CHD1L: variants seen among roughly 807,000 people sequenced by gnomAD.
CHD1L encodes ATP-dependent chromatin remodeler CHD1L.
CHD1L carries 118 observed loss-of-function variants against 115.9 expected under a neutral mutation model. The ratio of observed to expected loss-of-function variants is 1.02; its 90% CI spans 0.88 to 1.19. The LOEUF is 1.19. Among genes scored for constraint, CHD1L ranks in the 50% most tolerant of loss-of-function variants. CHD1L has a pLI of 0.00. For synonymous variants in CHD1L, 411 were observed against 387.1 expected (o/e 1.06, Z -0.72); for missense variants, 1,179 against 1,065.3 (o/e 1.11, Z -1.49).
the CHD1L span, among the ~76,000 whole-genome samples, chr1:147,199,804 T>C: frequency 1.3e-5 from 2 of 152,188 alleles, no homozygotes; most frequent in African/African-American, 4.8e-5. Context: ...TTTAGAAAGG[T>C]TGTTGAACTA....
intron 3 of CHD1L, among the ~76,000 whole-genome samples, chr1:147,255,445 T>A (rs1269411314): frequency 4.6e-5 from 7 of 152,170 alleles, no homozygotes; most frequent in Admixed American, 3.3e-4. Context: ...CAGGCTGGTC[T>A]CAAACTCCCG....
intron 19 of CHD1L, among the ~76,000 whole-genome samples, chr1:147,290,723 A>G (rs1685193229): frequency 6.6e-6 from 1 of 151,910 alleles, no homozygotes; most frequent in African/African-American, 2.4e-5. Flanking sequence ...GCGTGATCAT[A>G]GCTCACCACA....
At chr1:147,231,776 G>A in the CHD1L span, among the ~76,000 whole-genome samples, 1 of 152,090 alleles carries the variant, frequency 6.6e-6, no homozygotes, top group Non-Finnish European at 1.5e-5. Flanking sequence ...TAAGACCATT[G>A]GAAAAGCGCA....
intron 14 of CHD1L, among the ~76,000 whole-genome samples, chr1:147,278,569 G>C (rs587746253): frequency 6.6e-6 from 1 of 151,298 alleles, no homozygotes; most frequent in Non-Finnish European, 1.5e-5. Flanking sequence ...TAAAAGATGT[G>C]GTTCTGATTT....
the CHD1L span, among the ~76,000 whole-genome samples, chr1:147,174,105 C>A: frequency 6.6e-6 from 1 of 152,088 alleles, no homozygotes; most frequent in African/African-American, 2.4e-5. Context: ...TTCACTACTC[C>A]CCTATTCTTT....
At chr1:147,243,080 C>T (rs782624725) in intron 1 of CHD1L, 22 of 338,904 alleles carry the variant, frequency 6.5e-5, no homozygotes, top group Non-Finnish European at 9.9e-5. Context: ...CCAGGCCTGG[C>T]CCCTGGCCTG....
chr1:147,260,044 T>C, intron 6 of CHD1L, 126 bp downstream of exon 6: 1 of 674,874 alleles, frequency 1.5e-6, no homozygotes, highest in Non-Finnish European at 2.5e-6. Flanking sequence ...CATGCATATG[T>C]CCCCACACAT....
chr1:147,287,318 ACT>A (rs1683550901), intron 18 of CHD1L, among the ~76,000 whole-genome samples: 1 of 151,666 alleles, frequency 6.6e-6, no homozygotes, highest in Non-Finnish European at 1.5e-5. Context: ...GCTTCTACTC[ACT>A]CTGTAATGTT....
chr1:147,183,043 C>T, the CHD1L span, among the ~76,000 whole-genome samples: 1 of 152,080 alleles, frequency 6.6e-6, no homozygotes, highest in African/African-American at 2.4e-5. Flanking sequence ...ACTAAAAATA[C>T]AAAGATTAGC....
chr1:147,179,736 G>A, the CHD1L span: 3 of 659,462 alleles, frequency 4.5e-6, no homozygotes, highest in Middle Eastern at 4.0e-4. Flanking sequence ...GGGCCGAGAG[G>A]ACAGAATGGA....
At chr1:147,292,100 A>G (rs1459960742) in intron 20 of CHD1L, among the ~76,000 whole-genome samples, 1 of 152,180 alleles carries the variant, frequency 6.6e-6, no homozygotes, top group African/African-American at 2.4e-5. Context: ...CCGTCCAGAT[A>G]GCAGATCCCA....
At chr1:147,178,711 G>A in the CHD1L span, 10 of 1,570,082 alleles carry the variant, frequency 6.4e-6, no homozygotes, top group South Asian at 3.3e-5. Flanking sequence ...TGATGATAAC[G>A]GAGATGGTAT....
the CHD1L span, chr1:147,190,116 T>G: frequency 8.7e-7 from 1 of 1,155,790 alleles, no homozygotes; most frequent in Non-Finnish European, 1.3e-6. Flanking sequence ...CAGTACAATA[T>G]TTCTTTTATT....
chr1:147,205,051 T>C, the CHD1L span: 107 of 658,408 alleles, frequency 1.6e-4, no homozygotes, highest in East Asian at 5.4e-5. Flanking sequence ...TGCTATATAG[T>C]CCAGCCATAC....
At chr1:147,249,980 T>C (rs757318284) in intron 1 of CHD1L, among the ~76,000 whole-genome samples, 1 of 152,134 alleles carries the variant, frequency 6.6e-6, no homozygotes, top group Non-Finnish European at 1.5e-5. Flanking sequence ...CCTCACTTCC[T>C]TCCATTCTGC....
upstream of CHD1L, among the ~76,000 whole-genome samples, chr1:147,241,708 C>G (rs1664909290): frequency 6.6e-6 from 1 of 152,120 alleles, no homozygotes; most frequent in African/African-American, 2.4e-5. Context: ...TAGCTCAGAA[C>G]AAATTTCTCC....
chr1:147,208,138 A>G, the CHD1L span, among the ~76,000 whole-genome samples: 207 of 151,766 alleles, frequency 1.4e-3, 1 homozygote, highest in African/African-American at 4.7e-3. Flanking sequence ...GAAAGTCCTC[A>G]GAAAGGTGAG....
intron 21 of CHD1L, 42 bp from the exon 22 acceptor site, chr1:147,294,367 A>G: frequency 6.9e-7 from 1 of 1,454,448 alleles, no homozygotes; most frequent in Non-Finnish European, 9.5e-7. Flanking sequence ...CCATCAATCA[A>G]TTTTTGATGA....
intron 13 of CHD1L, 41 bp from the exon 14 acceptor site, chr1:147,276,063 A>C (rs782564741): frequency 1.3e-6 from 2 of 1,591,610 alleles, no homozygotes; most frequent in East Asian, 4.5e-5. Context: ...CCAGCTTTGC[A>C]CACCCTTATA....
Sources: gnomAD v4.1 joint callset for allele counts (sites outside exome capture counted in the v4.1 genomes callset) on GRCh38, gnomAD v4.1.1 for gene constraint, MANE v1.5 for transcripts, NCBI Gene and HGNC (gene_info 2026-07-23, HGNC 2026-07-21) for gene names.